PRKN: variants seen among roughly 807,000 people sequenced by gnomAD.
PRKN encodes parkin RBR E3 ubiquitin protein ligase.
PRKN carries 56 observed loss-of-function variants against 59.5 expected under a neutral mutation model. That is an observed-to-expected ratio of 0.94 (90% CI 0.76 to 1.18). The LOEUF is 1.18. Among genes scored for constraint, PRKN ranks in the 50% most tolerant of loss-of-function variants. The pLI, the probability that PRKN is intolerant of heterozygous loss-of-function variation, is 0.00. For missense variants in PRKN, 657 were observed against 596.4 expected (o/e 1.10, Z -1.06); for synonymous variants, 250 against 222.1 (o/e 1.13, Z -1.12).
chr6:162,313,067 AT>A (rs1207550965), intron 2 of PRKN, among the ~76,000 whole-genome samples: 1 of 152,108 alleles, frequency 6.6e-6, no homozygotes, highest in Non-Finnish European at 1.5e-5. Flanking sequence ...AATGAAAATG[AT>A]TTTTTTCTGC....
At chr6:161,766,711 C>T (rs1322549575) in intron 7 of PRKN, among the ~76,000 whole-genome samples, 2 of 152,092 alleles carry the variant, frequency 1.3e-5, no homozygotes, top group African/African-American at 4.8e-5. Flanking sequence ...ACTGTCTCCA[C>T]GTACTGATTT....
At chr6:162,231,526 G>A (rs1031350748) in intron 3 of PRKN, among the ~76,000 whole-genome samples, 1 of 152,188 alleles carries the variant, frequency 6.6e-6, no homozygotes, top group African/African-American at 2.4e-5. Flanking sequence ...AAGTGATAAG[G>A]TGTGAGAGGG....
chr6:162,397,918 G>T (rs2128148021), intron 2 of PRKN, among the ~76,000 whole-genome samples: 1 of 151,632 alleles, frequency 6.6e-6, no homozygotes, highest in Admixed American at 6.6e-5. Context: ...CCACCTGTAA[G>T]CCAAGCTACT....
chr6:162,620,098 G>T (rs184687558), intron 1 of PRKN, among the ~76,000 whole-genome samples: 1 of 151,912 alleles, frequency 6.6e-6, no homozygotes, highest in African/African-American at 2.4e-5. Context: ...TTCTATGGAA[G>T]ATAAAGAATT....
intron 7 of PRKN, among the ~76,000 whole-genome samples, chr6:161,636,941 G>T (rs1478272373): frequency 6.6e-6 from 1 of 152,076 alleles, no homozygotes; most frequent in Non-Finnish European, 1.5e-5. Context: ...CATTTTAGAT[G>T]AAGTTTTGCA....
intron 1 of PRKN, among the ~76,000 whole-genome samples, chr6:162,605,495 C>G (rs534669510): frequency 6.6e-6 from 1 of 152,134 alleles, no homozygotes; most frequent in African/African-American, 2.4e-5. Flanking sequence ...AACTAAAATT[C>G]TAGTCTGTCT....
intron 6 of PRKN, among the ~76,000 whole-genome samples, chr6:161,790,542 G>A (rs745999564): frequency 2.0e-5 from 3 of 152,138 alleles, no homozygotes; most frequent in African/African-American, 7.2e-5. Flanking sequence ...TGTGAGAGAA[G>A]AGCCCTCATG....
chr6:161,676,014 T>C (rs766401493), intron 7 of PRKN, among the ~76,000 whole-genome samples: 2 of 152,226 alleles, frequency 1.3e-5, no homozygotes. Context: ...GTTTCCTGAA[T>C]TATGTGACCT....
At position 161,401,091 on chromosome 6, in the gene PRKN, A is replaced by C. The variant is rs1348436066; in HGVS notation, c.1084-14214T>G. Among the ~76,000 whole-genome samples the C allele has an allele frequency of 1.3e-5, 2 of 152,084 alleles. No homozygotes were observed. Among genetic ancestry groups the C allele is most frequent in the Non-Finnish European group, 2.9e-5 (2 of 67,970 alleles). ...AGTCATAGAAATCCACCATTCACGT[A>C]AGTTTTGGCCTGGTGTTATTGCAGT... On this transcript the variant is annotated intron_variant, in intron 9 of 11. Coordinates refer to ENST00000366898, the MANE Select transcript of PRKN (RefSeq NM_004562.3). This position sits in a 1 kb window ranked among gnomAD's most constrained non-coding sequence, Gnocchi z 4.4.
intron 6 of PRKN, among the ~76,000 whole-genome samples, chr6:161,850,327 C>T (rs868527673): frequency 1.5e-4 from 23 of 152,210 alleles, no homozygotes; most frequent in Admixed American, 3.9e-4. Context: ...CGCCTATAAT[C>T]CCAGCACTTT....
chr6:162,274,184 T>TAATTA (rs1562631941), intron 2 of PRKN, among the ~76,000 whole-genome samples: 7 of 142,886 alleles, frequency 4.9e-5, no homozygotes, highest in African/African-American at 2.1e-4. Flanking sequence ...TTTATTAATG[T>TAATTA]ATTTATTTAT....
At chr6:162,380,405 A>G (rs960983902) in intron 2 of PRKN, among the ~76,000 whole-genome samples, 10 of 140,930 alleles carry the variant, frequency 7.1e-5, no homozygotes, top group Admixed American at 4.3e-4. Flanking sequence ...AGCTATATAT[A>G]TATATATACA....
chr6:162,117,022 T>C (rs1460725658), intron 4 of PRKN, among the ~76,000 whole-genome samples: 2 of 152,210 alleles, frequency 1.3e-5, no homozygotes, highest in Admixed American at 6.5e-5. Flanking sequence ...CAGTGAAGTA[T>C]GTTTTATCAA....
intron 6 of PRKN, among the ~76,000 whole-genome samples, chr6:161,856,253 G>T (rs1050758784): frequency 6.6e-6 from 1 of 152,022 alleles, no homozygotes. Context: ...CCAGCTGCTC[G>T]GGAAGCTGAG....
chr6:162,514,741 GC>G (rs1193454794), intron 1 of PRKN, among the ~76,000 whole-genome samples: 1 of 152,100 alleles, frequency 6.6e-6, no homozygotes, highest in Non-Finnish European at 1.5e-5. Context: ...ACCAGCCTGG[GC>G]AGCAGAGTGA....
At chr6:161,415,176 C>T (rs994878828) in intron 9 of PRKN, among the ~76,000 whole-genome samples, 2 of 152,130 alleles carry the variant, frequency 1.3e-5, no homozygotes, top group African/African-American at 2.4e-5. Flanking sequence ...GTGGTGATCA[C>T]ATAATTGAGA....
intron 7 of PRKN, among the ~76,000 whole-genome samples, chr6:161,642,177 A>AGAT: frequency 6.6e-6 from 1 of 152,340 alleles, no homozygotes; most frequent in Non-Finnish European, 1.5e-5. Flanking sequence ...CCTAGAAGTC[A>AGAT]TTTAGCTGTC....
intron 9 of PRKN, among the ~76,000 whole-genome samples, chr6:161,512,676 T>C (rs1342152638): frequency 6.6e-6 from 1 of 152,164 alleles, no homozygotes; most frequent in Non-Finnish European, 1.5e-5. Context: ...TACCTTTTAA[T>C]GTTGTGAGAT....
intron 1 of PRKN, among the ~76,000 whole-genome samples, chr6:162,610,588 G>A (rs570404016): frequency 5.8e-4 from 89 of 152,188 alleles, no homozygotes; most frequent in Admixed American, 1.4e-3. Context: ...AAGTAAGATG[G>A]GTTTGCAAAG....
Sources: allele counts gnomAD v4.1 joint callset (sites outside exome capture counted in the v4.1 genomes callset), GRCh38; gene constraint gnomAD v4.1.1; non-coding constraint Gnocchi (gnomAD v3.1); transcripts MANE v1.5; gene names NCBI Gene and HGNC (gene_info 2026-07-23, HGNC 2026-07-21).